The following ASAP1 variants were observed in gnomAD, a reference collection of about 807,000 sequenced individuals.
The protein encoded by ASAP1 is arf-GAP with SH3 domain, ANK repeat and PH domain-containing protein 1.
Under a neutral mutation model 145.2 loss-of-function variants are expected in ASAP1, and 43 were observed. The observed-to-expected ratio is 0.30, with a 90% CI of 0.23 to 0.38. ASAP1 has a LOEUF of 0.38. Ranked by LOEUF, ASAP1 falls within the 10% of genes least tolerant of loss-of-function variation. ASAP1 has a pLI of 1.00. For missense variants in ASAP1, 1,018 were observed against 1,355.3 expected (o/e 0.75, Z 3.91); for synonymous variants, 546 against 515.5 (o/e 1.06, Z -0.80).
At position 130,072,824 on chromosome 8, in the gene ASAP1, T is replaced by TGTGTGCGCGCGCGCGCGC; in HGVS notation, c.2701+3523_2701+3524insGCGCGCGCGCGCGCACAC. Among the ~76,000 whole-genome samples the TGTGTGCGCGCGCGCGCGC allele has an allele frequency of 9.3e-3, 300 of 32,282 alleles. 11 individuals are homozygous for TGTGTGCGCGCGCGCGCGC. The highest frequency in any genetic ancestry group is 0.057 in the Admixed American group (159 of 2,774). 21.2% of individuals were successfully genotyped at this position (32,282 alleles called of 152,430 possible). A position where few individuals can be genotyped will look rare whatever the true frequency, so the allele number is the denominator to read the frequency against. On this transcript the variant is annotated intron_variant, in intron 27 of 29. Coordinates refer to ENST00000518721, the MANE Select transcript of ASAP1 (RefSeq NM_018482.4). ...GTGTGTGTGTGTGTGTGTGTGTGTG[T>TGTGTGCGCGCGCGCGCGC]GCGCGCGGGGGGGGGCAGTTTTGGG...
chr8:130,141,400 C>A (rs2097610713), intron 13 of ASAP1, among the ~76,000 whole-genome samples: 1 of 152,144 alleles, frequency 6.6e-6, no homozygotes, highest in Non-Finnish European at 1.5e-5. Flanking sequence ...GCTCCCTGCT[C>A]ACTCCCTGCA....
chr8:130,397,744 C>T (rs193182401), intron 2 of ASAP1, among the ~76,000 whole-genome samples: 1 of 152,236 alleles, frequency 6.6e-6, no homozygotes, highest in Admixed American at 6.5e-5. Flanking sequence ...TTGAGAAGCA[C>T]ATCTGTGTTA....
In ASAP1 at chr8:130,167,605, A is replaced by G. The variant is rs745616220; in HGVS notation, c.840T>C (p.Asp280=). The G allele has an allele frequency of 1.2e-6, 2 of 1,611,978 alleles. No homozygotes were observed. Among genetic ancestry groups the G allele is most frequent in the Non-Finnish European group, 8.5e-7 (1 of 1,178,630 alleles). Reference sequence around the variant, plus strand: ...GTGCAGTTAGCTGTTTCTTTTCTTCATCCTGGGTCTGTTTTATCTATGAAA... The same window carrying G: ...GTGCAGTTAGCTGTTTCTTTTCTTCGTCCTGGGTCTGTTTTATCTATGAAA... ...ADLYNIKQTQ[D]EEKKQLTALR... is the part of the protein sequence containing the mutation. The change falls in exon 11 of 30, where the codon GAT becomes GAC. Residue 280 remains aspartate (D), a synonymous_variant. Coordinates refer to ENST00000518721, the MANE Select transcript of ASAP1 (RefSeq NM_018482.4).
At chr8:130,116,552 T>C in intron 22 of ASAP1, 126 bp downstream of exon 22, 1 of 801,370 alleles carries the variant, frequency 1.2e-6, no homozygotes, top group Non-Finnish European at 2.0e-6. Context: ...ATTGCTCATC[T>C]GATTTTCTTT....
intron 13 of ASAP1, among the ~76,000 whole-genome samples, chr8:130,142,960 G>A (rs976258769): frequency 1.4e-4 from 22 of 152,020 alleles, no homozygotes; most frequent in Admixed American, 1.4e-3. Context: ...AAATGAGGAG[G>A]GCCTGAATTA....
chr8:130,185,822 T>C (rs1237617935), intron 7 of ASAP1, among the ~76,000 whole-genome samples: 3 of 151,750 alleles, frequency 2.0e-5, no homozygotes, highest in Admixed American at 6.6e-5. Context: ...GAAGAGCACC[T>C]GTACCATCTT....
At chr8:130,109,171 T>C (rs1022576006) in intron 24 of ASAP1, among the ~76,000 whole-genome samples, 1 of 151,646 alleles carries the variant, frequency 6.6e-6, no homozygotes, top group African/African-American at 2.4e-5. Context: ...AAATTAATTT[T>C]ACAGCTTTGA....
intron 2 of ASAP1, chr8:130,386,594 T>A (rs1021489552): frequency 1.3e-5 from 2 of 152,272 alleles, no homozygotes. Context: ...TCCAGTCTCC[T>A]CTTACCAAAC....
intron 25 of ASAP1, among the ~76,000 whole-genome samples, chr8:130,086,335 A>G (rs1490151866): frequency 6.6e-6 from 1 of 152,250 alleles, no homozygotes; most frequent in Non-Finnish European, 1.5e-5. Flanking sequence ...CTGTGTAACC[A>G]TGGTTAAGAA....
intron 4 of ASAP1, among the ~76,000 whole-genome samples, chr8:130,230,893 C>T (rs1182184151): frequency 6.6e-6 from 1 of 152,008 alleles, no homozygotes; most frequent in Non-Finnish European, 1.5e-5. Context: ...CACTGAAAAC[C>T]GCAGGATTAA....
At chr8:130,289,111 G>A (rs953764711) in intron 3 of ASAP1, among the ~76,000 whole-genome samples, 3 of 152,274 alleles carry the variant, frequency 2.0e-5, no homozygotes, top group South Asian at 2.1e-4. Flanking sequence ...ACTTGAACCC[G>A]GGAGGCATAG....
At chr8:130,397,342 T>C (rs1053932720) in intron 2 of ASAP1, among the ~76,000 whole-genome samples, 1 of 152,206 alleles carries the variant, frequency 6.6e-6, no homozygotes, top group Non-Finnish European at 1.5e-5. Flanking sequence ...GGTTTCGCCA[T>C]GTTGGCCAGG....
At chr8:130,426,400 T>C (rs1346090213) in intron 1 of ASAP1, among the ~76,000 whole-genome samples, 1 of 149,500 alleles carries the variant, frequency 6.7e-6, no homozygotes, top group Non-Finnish European at 1.5e-5. Context: ...CATAAACTAA[T>C]ACACTGGTTA....
intron 5 of ASAP1, among the ~76,000 whole-genome samples, chr8:130,198,776 T>A (rs920779986): frequency 9.9e-5 from 15 of 152,178 alleles, no homozygotes; most frequent in African/African-American, 3.6e-4. Context: ...CAAAGGCCAC[T>A]CTCATTTCCT....
At position 130,358,545 on chromosome 8, in the gene ASAP1, G is replaced by T. The variant is rs1826498410; in HGVS notation, c.60-402C>A. On this transcript the variant is annotated intron_variant, in intron 2 of 29. Coordinates refer to ENST00000518721, the MANE Select transcript of ASAP1 (RefSeq NM_018482.4). This position sits in a 1 kb window ranked among gnomAD's most constrained non-coding sequence, Gnocchi z 4.1. ...GCGGGCTGGGCGGCTGGGGCGCCCG[G>T]CGCTGCCTCCTCAGACGCGCTGACA... is the stretch of plus-strand genomic sequence containing the variant. Among the ~76,000 whole-genome samples the T allele has an allele frequency of 4.7e-5, 7 of 147,698 alleles. No homozygotes were observed. The South Asian group carries it at 1.5e-3, about 31-fold the overall frequency.
In ASAP1 at chr8:130,054,451, G is replaced by T; in HGVS notation, c.*280C>A. ...CAGCAGTTCCTATACTCCTATTTTT[G>T]TTTGTTTGCTTGTAGAACAGCATAG... On this transcript the variant is annotated 3_prime_UTR_variant, in exon 30 of 30. Coordinates refer to ENST00000518721, the MANE Select transcript of ASAP1 (RefSeq NM_018482.4). 4 of 293,556 alleles carry T rather than the reference G, an allele frequency of 1.4e-5. No individual in the cohort carries two copies. Among genetic ancestry groups the T allele is most frequent in the Admixed American group, 4.1e-5 (1 of 24,192 alleles). 18.2% of individuals were successfully genotyped at this position (293,556 alleles called of 1,614,324 possible).
intron 18 of ASAP1, among the ~76,000 whole-genome samples, chr8:130,121,177 C>T (rs917280525): frequency 8.5e-5 from 13 of 152,136 alleles, no homozygotes; most frequent in African/African-American, 2.7e-4. Flanking sequence ...TTACCTTCAG[C>T]GCTCAGTGGA....
At chr8:130,058,208 G>A in intron 28 of ASAP1, 132 bp from the exon 29 acceptor site, 3 of 975,310 alleles carry the variant, frequency 3.1e-6, no homozygotes, top group Non-Finnish European at 4.7e-6. Context: ...CACCCTTGAA[G>A]GGCGGGAAGA....
At chr8:130,305,415 C>T (rs376971513) in intron 3 of ASAP1, among the ~76,000 whole-genome samples, 1 of 152,124 alleles carries the variant, frequency 6.6e-6, no homozygotes, top group Non-Finnish European at 1.5e-5. Flanking sequence ...GGTGCGATCT[C>T]GGCTCACCGC....
Sources: allele counts gnomAD v4.1 joint callset (sites outside exome capture counted in the v4.1 genomes callset), GRCh38; gene constraint gnomAD v4.1.1; non-coding constraint Gnocchi (gnomAD v3.1); transcripts MANE v1.5; gene names NCBI Gene and HGNC (gene_info 2026-07-23, HGNC 2026-07-21).